SOX5: variants seen among roughly 807,000 people sequenced by gnomAD.
The protein encoded by SOX5 is SRY-box transcription factor 5.
Under a neutral mutation model 92.0 loss-of-function variants are expected in SOX5, and 9 were observed. That is an observed-to-expected ratio of 0.10 (90% CI 0.06 to 0.17). The LOEUF (loss-of-function observed/expected upper bound fraction) is 0.17, where lower values mean the gene tolerates loss of function less well. Ranked by LOEUF, SOX5 falls within the 10% of genes least tolerant of loss-of-function variation. The probability of loss-of-function intolerance (pLI) is 1.00; values close to 1 mark genes in which losing one functional copy is unlikely to be tolerated. For synonymous variants in SOX5, 344 were observed against 336.3 expected, an observed-to-expected ratio of 1.02 and a Z score of -0.25; for missense variants, 642 against 944.5, an observed-to-expected ratio of 0.68 and a Z score of 4.20.
At chr12:24,231,116 T>C (rs75120985) in intron 3 of SOX5, among the ~76,000 whole-genome samples, 2,434 of 152,338 alleles carry the variant, frequency 0.016, 62 homozygotes, top group African/African-American at 0.056. Context: ...CTGACCTTTG[T>C]TATTTCATAT....
chr12:24,359,833 C>CA (rs1325273857), intron 2 of SOX5, among the ~76,000 whole-genome samples: 16 of 152,026 alleles, frequency 1.1e-4, no homozygotes, highest in Non-Finnish European at 2.1e-4. Flanking sequence ...GCCTTGAAAA[C>CA]AAAAAAGCTG....
At chr12:23,922,599 G>T (rs759108216) in intron 1 of SOX5, among the ~76,000 whole-genome samples, 1 of 152,146 alleles carries the variant, frequency 6.6e-6, no homozygotes, top group Non-Finnish European at 1.5e-5. Context: ...GTCTTTAGAC[G>T]CTATTACAGA....
rs1195032001 is a variant in SOX5, at chr12:23,640,857, T to C, written c.972A>G (p.Ala324=). ...YPVQLIPTTM[A]AAAAATPGLG... is the part of the protein sequence containing the mutation. ...AGCCTGGTGTTGCTGCGGCAGCAGC[T>C]GCCATGGTAGTTGGGATCAGCTGAA... The change falls in exon 8 of 15, where the codon GCA becomes GCG. Residue 324 remains alanine, a synonymous_variant. Transcript: ENST00000451604. 4 of 1,613,948 alleles carry C rather than the reference T, an allele frequency of 2.5e-6. No individual in the cohort carries two copies. The South Asian group carries it at 4.4e-5, about 18-fold the overall frequency.
intron 2 of SOX5, among the ~76,000 whole-genome samples, chr12:23,863,975 T>C (rs2096784680): frequency 6.8e-6 from 1 of 148,070 alleles, no homozygotes; most frequent in Admixed American, 6.9e-5. Context: ...GCTCCACAAA[T>C]ATAGCTTTTT....
chr12:23,536,855 A>G (rs1454201107), intron 13 of SOX5, among the ~76,000 whole-genome samples, 186 bp from the exon 14 acceptor site: 3 of 152,262 alleles, frequency 2.0e-5, no homozygotes, highest in African/African-American at 7.2e-5. Context: ...CTAAAGATAT[A>G]AACACTGGGC....
rs1012862857 is a variant in SOX5 at position 23,617,729 on chromosome 12, G to A, written c.1018-13196C>T. Among the ~76,000 whole-genome samples the A allele has an allele frequency of 6.6e-5, 10 of 152,000 alleles. No homozygotes were observed. In the East Asian group the frequency reaches 1.3e-3, roughly 20 times the overall value. On this transcript the variant is annotated intron_variant, in intron 8 of 14. Transcript: ENST00000451604. Reference sequence around the variant, plus strand: ...CCTATAAATAAGAAACACTTCAAATGCACGGGGTTTTAAAAGGCTTTCTTC... The same window carrying A: ...CCTATAAATAAGAAACACTTCAAATACACGGGGTTTTAAAAGGCTTTCTTC...
chr12:23,950,977 GCACACACACACACA>G (rs35800209), upstream of SOX5: 8 of 619,900 alleles, frequency 1.3e-5, no homozygotes, highest in Admixed American at 1.6e-4. Flanking sequence ...ACACACGCAT[GCACACACACACACA>G]CACACACACA....
At position 24,454,012 on chromosome 12, in the gene SOX5, T is replaced by C. The variant is rs11047454; in HGVS notation, c.-250-85373A>G. On this transcript the variant is annotated intron_variant, in intron 1 of 4. Coordinates refer to the SOX5 transcript ENST00000446891. ...AAATAAAACCATAGGGTAGTCAAATTAATCTAATTATCTGTGACCCAATTT... is the reference window on the plus strand; with the variant it reads ...AAATAAAACCATAGGGTAGTCAAATCAATCTAATTATCTGTGACCCAATTT... Among the ~76,000 whole-genome samples the C allele has an allele frequency of 3.0e-3, 460 of 152,308 alleles. 1 individual carries two copies. The highest frequency in any genetic ancestry group is 5.4e-3 in the Non-Finnish European group (364 of 68,016).
chr12:24,333,085 TAA>T (rs906879702), intron 2 of SOX5, among the ~76,000 whole-genome samples: 6 of 151,784 alleles, frequency 4.0e-5, no homozygotes, highest in Non-Finnish European at 8.8e-5. Context: ...TGGAAAACTA[TAA>T]AAAAAGAGTT....
chr12:24,137,762 T>G (rs1342583459), intron 4 of SOX5, among the ~76,000 whole-genome samples: 1 of 152,260 alleles, frequency 6.6e-6, no homozygotes, highest in African/African-American at 2.4e-5. Flanking sequence ...AATATTATAT[T>G]TCTTGATATC....
intron 6 of SOX5, among the ~76,000 whole-genome samples, chr12:23,668,503 T>A (rs747492792): frequency 6.6e-6 from 1 of 152,206 alleles, no homozygotes; most frequent in Non-Finnish European, 1.5e-5. Flanking sequence ...CAAAACGATA[T>A]GTTTTCTGGG....
intron 6 of SOX5, among the ~76,000 whole-genome samples, chr12:23,704,504 T>C (rs146015303): frequency 0.015 from 2,274 of 151,552 alleles, 20 homozygotes; most frequent in South Asian, 0.028. Context: ...TCTACTACCT[T>C]GTATGACTCT....
At chr12:23,535,995 T>A (rs1940338815) in intron 14 of SOX5, among the ~76,000 whole-genome samples, 1 of 152,180 alleles carries the variant, frequency 6.6e-6, no homozygotes, top group Non-Finnish European at 1.5e-5. Flanking sequence ...GCTTGTGTGA[T>A]CCACAAAGGC....
intron 3 of SOX5, among the ~76,000 whole-genome samples, chr12:24,248,464 C>A (rs1435245786): frequency 6.6e-6 from 1 of 152,142 alleles, no homozygotes; most frequent in African/African-American, 2.4e-5. Flanking sequence ...TGCAGTGGCG[C>A]AATCTCAGTT....
chr12:23,710,958 T>C (rs2091994291), intron 6 of SOX5, among the ~76,000 whole-genome samples: 1 of 152,174 alleles, frequency 6.6e-6, no homozygotes, highest in South Asian at 2.1e-4. Context: ...TGGTATCTAA[T>C]TGTGGTTTTG....
intron 1 of SOX5, among the ~76,000 whole-genome samples, chr12:24,458,483 A>G (rs184169841): frequency 2.2e-4 from 33 of 152,268 alleles, no homozygotes; most frequent in African/African-American, 7.9e-4. Flanking sequence ...AATCAGCTGG[A>G]GAGCTTCTTT....
chr12:24,414,451 G>T (rs1396817161), intron 1 of SOX5, among the ~76,000 whole-genome samples: 3 of 152,106 alleles, frequency 2.0e-5, no homozygotes, highest in African/African-American at 7.2e-5. Flanking sequence ...GGCTAACTTG[G>T]GGTCCTTGGT....
intron 2 of SOX5, among the ~76,000 whole-genome samples, chr12:24,328,531 T>C (rs1277794696): frequency 1.3e-5 from 2 of 152,220 alleles, no homozygotes; most frequent in Non-Finnish European, 1.5e-5. Flanking sequence ...ATTTTTATTA[T>C]CCACAGAGAG....
intron 4 of SOX5, among the ~76,000 whole-genome samples, chr12:23,980,415 A>G (rs1292274956): frequency 6.6e-6 from 1 of 152,220 alleles, no homozygotes; most frequent in East Asian, 1.9e-4. Context: ...CTTCATATAT[A>G]TATAATTTTT....
Sources: gnomAD v4.1 joint callset for allele counts (sites outside exome capture counted in the v4.1 genomes callset) on GRCh38, gnomAD v4.1.1 for gene constraint, MANE v1.5 for transcripts, NCBI Gene and HGNC (gene_info 2026-07-23, HGNC 2026-07-21) for gene names.